The following LRP1B variants were observed in gnomAD, a reference collection of about 807,000 sequenced individuals.
LRP1B encodes LDL receptor related protein 1B.
Under a neutral mutation model 556.6 loss-of-function variants are expected in LRP1B, and 217 were observed. The ratio of observed to expected loss-of-function variants is 0.39; its 90% CI spans 0.35 to 0.44. The LOEUF (loss-of-function observed/expected upper bound fraction) is 0.44, where lower values mean the gene tolerates loss of function less well. LRP1B is among the 20% of genes least tolerant of loss of function. LRP1B has a pLI of 1.00. For synonymous variants in LRP1B, 2,047 were observed against 1,865.8 expected, an observed-to-expected ratio of 1.10 and a Z score of -2.50; for missense variants, 5,053 against 5,620.8, an observed-to-expected ratio of 0.90 and a Z score of 3.23.
At chr2:140,845,258 A>G (rs1216204860) in intron 29 of LRP1B, among the ~76,000 whole-genome samples, 1 of 152,186 alleles carries the variant, frequency 6.6e-6, no homozygotes, top group Non-Finnish European at 1.5e-5. Context: ...ATTAGTAGCC[A>G]TAAGAAATCC....
intron 7 of LRP1B, among the ~76,000 whole-genome samples, chr2:141,095,321 C>T (rs1700270616): frequency 6.6e-6 from 1 of 151,040 alleles, no homozygotes; most frequent in African/African-American, 2.4e-5. Flanking sequence ...AGATGTCAGC[C>T]CTAAAAGTAA....
intron 7 of LRP1B, among the ~76,000 whole-genome samples, chr2:141,091,613 G>C (rs533323206): frequency 6.6e-6 from 1 of 152,234 alleles, no homozygotes; most frequent in Admixed American, 6.5e-5. Context: ...TCCTGTGAGG[G>C]GATGGCAACC....
rs775505022 is a variant in LRP1B at position 140,700,437 on chromosome 2, A to T, written c.6612T>A (p.Asp2204Glu). 35 of 1,613,212 alleles carry T rather than the reference A, an allele frequency of 2.2e-5. No homozygotes were observed. Among genetic ancestry groups the T allele is most frequent in the Non-Finnish European group, 2.9e-5 (34 of 1,179,472 alleles). ...TTATTGGGGAATTTAAATTGGTTTC[A>T]TCAGAAAGATGTATACTTTTTAATA... Reference protein sequence around the residue: ...RTILKSIHLSDETNLNSPIRP... With the variant: ...RTILKSIHLSEETNLNSPIRP... The change falls in exon 41 of 91, where the codon GAT (aspartate) becomes GAA (glutamate). Residue 2204 changes from aspartate (D) to glutamate (E), a missense_variant. Around this residue, in one of 5 missense-constraint regions of LRP1B, gnomAD observed 3,619 missense variants for 3,931.9 expected, o/e 0.92. Transcript: ENST00000389484.
intron 2 of LRP1B, among the ~76,000 whole-genome samples, chr2:141,774,212 T>G (rs541600062): frequency 2.1e-4 from 32 of 152,310 alleles, no homozygotes; most frequent in African/African-American, 7.7e-4. Flanking sequence ...TTGATTGCTA[T>G]AAATAAATAC....
intron 1 of LRP1B, among the ~76,000 whole-genome samples, chr2:141,811,849 T>C (rs1396885426): frequency 6.6e-6 from 1 of 152,038 alleles, no homozygotes; most frequent in Admixed American, 6.6e-5. Flanking sequence ...TAGTTGTGTC[T>C]ACAGATCTCA....
At chr2:141,481,765 T>C (rs144055592) in intron 2 of LRP1B, among the ~76,000 whole-genome samples, 2 of 152,250 alleles carry the variant, frequency 1.3e-5, no homozygotes, top group East Asian at 1.9e-4. Flanking sequence ...CCAGTATTCA[T>C]AAGCTGAGTG....
intron 87 of LRP1B, among the ~76,000 whole-genome samples, chr2:140,241,190 T>A (rs144659914): frequency 1.2e-3 from 179 of 151,002 alleles, no homozygotes; most frequent in Non-Finnish European, 3.9e-4. Flanking sequence ...TTTATATGCA[T>A]CTGTAATTTA....
chr2:141,699,974 T>G (rs1387677450), intron 2 of LRP1B, among the ~76,000 whole-genome samples: 1 of 150,920 alleles, frequency 6.6e-6, no homozygotes, highest in Non-Finnish European at 1.5e-5. Context: ...CCAAAGAATA[T>G]ACATAATGTC....
At chr2:140,880,942 A>G (rs769099441) in intron 25 of LRP1B, among the ~76,000 whole-genome samples, 24 of 152,198 alleles carry the variant, frequency 1.6e-4, no homozygotes, top group Non-Finnish European at 3.2e-4. Flanking sequence ...AGGATTTTAC[A>G]GACTGAAAAC....
At chr2:141,511,285 CAG>C (rs1374612019) in intron 2 of LRP1B, among the ~76,000 whole-genome samples, 1 of 152,142 alleles carries the variant, frequency 6.6e-6, no homozygotes, top group Non-Finnish European at 1.5e-5. Flanking sequence ...TCAATCAAAA[CAG>C]AAATTTCACA....
At chr2:141,704,022 T>C (rs1430896859) in intron 2 of LRP1B, among the ~76,000 whole-genome samples, 2 of 151,904 alleles carry the variant, frequency 1.3e-5, no homozygotes, top group Non-Finnish European at 2.9e-5. Context: ...GTGATTCTGA[T>C]GAGAGATTTT....
chr2:142,106,975 TA>T (rs1000560393), intron 1 of LRP1B, among the ~76,000 whole-genome samples: 1 of 152,106 alleles, frequency 6.6e-6, no homozygotes, highest in Non-Finnish European at 1.5e-5. Context: ...TATACATATT[TA>T]ATATAAAGCT....
chr2:140,877,342 C>G (rs1002437294), intron 25 of LRP1B, among the ~76,000 whole-genome samples: 2 of 152,118 alleles, frequency 1.3e-5, no homozygotes, highest in Non-Finnish European at 2.9e-5. Context: ...TGAGACTTCA[C>G]AACCTGCTAA....
intron 2 of LRP1B, among the ~76,000 whole-genome samples, chr2:141,782,642 G>C (rs1221411894): frequency 6.7e-6 from 1 of 149,356 alleles, no homozygotes; most frequent in African/African-American, 2.5e-5. Context: ...TGATCATATA[G>C]GGTTTGTGTG....
chr2:140,370,881 G>C (rs2105165668), intron 70 of LRP1B, 39 bp from the exon 71 acceptor site: 1 of 1,601,556 alleles, frequency 6.2e-7, no homozygotes, highest in Non-Finnish European at 8.5e-7. Flanking sequence ...TTTCATTAAT[G>C]ATAATGATAC....
intron 31 of LRP1B, among the ~76,000 whole-genome samples, chr2:140,838,373 T>G (rs2105091597): frequency 6.6e-6 from 1 of 152,282 alleles, no homozygotes; most frequent in African/African-American, 2.4e-5. Context: ...TATTAGCGTT[T>G]CAATTTGCCT....
At chr2:141,570,507 T>A (rs181047034) in intron 2 of LRP1B, among the ~76,000 whole-genome samples, 123 of 151,486 alleles carry the variant, frequency 8.1e-4, no homozygotes, top group African/African-American at 2.8e-3. Flanking sequence ...TCAGCTGGAA[T>A]CTGCTTAAGC....
chr2:140,493,461 G>T (rs1383919406), intron 56 of LRP1B, among the ~76,000 whole-genome samples: 4 of 152,002 alleles, frequency 2.6e-5, no homozygotes, highest in South Asian at 2.1e-4. Flanking sequence ...ATTTCAGAAA[G>T]ATTTTCTTTT....
intron 3 of LRP1B, among the ~76,000 whole-genome samples, chr2:141,441,883 T>C (rs2105005185): frequency 6.6e-6 from 1 of 152,334 alleles, no homozygotes; most frequent in African/African-American, 2.4e-5. Context: ...GACATTCAAA[T>C]CTGGTAATCA....
Sources: allele counts gnomAD v4.1 joint callset (sites outside exome capture counted in the v4.1 genomes callset), GRCh38; gene constraint gnomAD v4.1.1; regional missense constraint gnomAD v4.1.1; transcripts MANE v1.5; gene names NCBI Gene and HGNC (gene_info 2026-07-23, HGNC 2026-07-21).